CNTNAP5: variants seen among roughly 807,000 people sequenced by gnomAD.
CNTNAP5 encodes contactin-associated protein-like 5.
CNTNAP5 carries 72 observed loss-of-function variants against 150.2 expected under a neutral mutation model. The ratio of observed to expected loss-of-function variants is 0.48; its 90% CI spans 0.40 to 0.58. The LOEUF is 0.58. Ranked by LOEUF, CNTNAP5 falls within the 20% of genes least tolerant of loss-of-function variation. The pLI, the probability that CNTNAP5 is intolerant of heterozygous loss-of-function variation, is 0.00. For synonymous variants in CNTNAP5, 672 were observed against 619.8 expected, an observed-to-expected ratio of 1.08 and a Z score of -1.25; for missense variants, 1,636 against 1,626.2, an observed-to-expected ratio of 1.01 and a Z score of -0.10.
chr2:124,754,426 C>G (rs80168023), intron 14 of CNTNAP5, among the ~76,000 whole-genome samples: 2 of 152,148 alleles, frequency 1.3e-5, no homozygotes, highest in Admixed American at 6.5e-5. Context: ...TCCCTGAATT[C>G]CCAGACACAT....
intron 13 of CNTNAP5, among the ~76,000 whole-genome samples, chr2:124,666,089 A>G (rs1026811650): frequency 6.6e-6 from 1 of 152,146 alleles, no homozygotes; most frequent in Non-Finnish European, 1.5e-5. Flanking sequence ...ATATAACCCA[A>G]AGAAGCCCTG....
intron 1 of CNTNAP5, among the ~76,000 whole-genome samples, chr2:124,082,020 CT>C (rs1489878218): frequency 6.6e-6 from 1 of 152,122 alleles, no homozygotes; most frequent in Non-Finnish European, 1.5e-5. Flanking sequence ...GTTCTACATC[CT>C]GTAATTTTTG....
At chr2:124,741,948 A>G (rs1680505517) in intron 13 of CNTNAP5, among the ~76,000 whole-genome samples, 1 of 152,060 alleles carries the variant, frequency 6.6e-6, no homozygotes, top group South Asian at 2.1e-4. Context: ...CTCAATTGAG[A>G]TAATTCTTTT....
At chr2:124,760,044 G>A (rs1395365696) in intron 14 of CNTNAP5, among the ~76,000 whole-genome samples, 3 of 143,610 alleles carry the variant, frequency 2.1e-5, no homozygotes, top group Non-Finnish European at 3.0e-5. Context: ...TTATCAGCAA[G>A]CATCAGTGCA....
intron 1 of CNTNAP5, among the ~76,000 whole-genome samples, chr2:124,052,136 T>C (rs891576286): frequency 1.3e-5 from 2 of 152,056 alleles, no homozygotes; most frequent in African/African-American, 2.4e-5. Context: ...TATCCTGGAG[T>C]GGTGACAAAA....
At chr2:124,379,027 A>G (rs757068412) in intron 3 of CNTNAP5, among the ~76,000 whole-genome samples, 6 of 152,022 alleles carry the variant, frequency 3.9e-5, no homozygotes, top group Non-Finnish European at 8.8e-5. Flanking sequence ...TTTTAAGTTC[A>G]GAGCAAAATT....
At chr2:124,452,645 G>T (rs1020865533) in intron 6 of CNTNAP5, among the ~76,000 whole-genome samples, 2 of 152,040 alleles carry the variant, frequency 1.3e-5, no homozygotes, top group African/African-American at 4.8e-5. Flanking sequence ...TCCACTTCAG[G>T]CCCCTGCAAC....
chr2:124,705,538 A>T lies in CNTNAP5; in HGVS notation c.2078-41691A>T, dbSNP rs980018655. Among the ~76,000 whole-genome samples the T allele has an allele frequency of 3.8e-4, 58 of 152,084 alleles. 1 individual carries two copies. The highest frequency in any genetic ancestry group is 6.2e-4 in the Non-Finnish European group (42 of 68,018). ...GAGAGACTCCATCTCAAAAAAATAA[A>T]AATAATAAATAAATAAACAAATCCA... On this transcript the variant is annotated intron_variant, in intron 13 of 23. Coordinates refer to ENST00000682447, the MANE Select transcript of CNTNAP5 (RefSeq NM_001367498.1).
intron 1 of CNTNAP5, among the ~76,000 whole-genome samples, chr2:124,099,093 CCGCAT>C (rs1683005663): frequency 6.6e-6 from 1 of 152,170 alleles, no homozygotes; most frequent in African/African-American, 2.4e-5. Context: ...CAGACTCATG[CCGCAT>C]ATATCCATCC....
intron 3 of CNTNAP5, among the ~76,000 whole-genome samples, chr2:124,250,076 T>C (rs940773949): frequency 6.6e-6 from 1 of 151,976 alleles, no homozygotes; most frequent in Non-Finnish European, 1.5e-5. Flanking sequence ...GATAAATGAC[T>C]AAAACCCTAA....
At chr2:124,172,383 TA>T (rs1684954214) in intron 1 of CNTNAP5, among the ~76,000 whole-genome samples, 1 of 152,154 alleles carries the variant, frequency 6.6e-6, no homozygotes, top group African/African-American at 2.4e-5. Flanking sequence ...TATTGACTTT[TA>T]ATATTTTTGA....
chr2:124,113,041 G>C (rs993600657), intron 1 of CNTNAP5, among the ~76,000 whole-genome samples: 1 of 152,124 alleles, frequency 6.6e-6, no homozygotes, highest in African/African-American at 2.4e-5. Context: ...CTGATACACT[G>C]CCTGTGAATG....
At chr2:124,061,085 G>T (rs986979078) in intron 1 of CNTNAP5, among the ~76,000 whole-genome samples, 1 of 151,976 alleles carries the variant, frequency 6.6e-6, no homozygotes, top group African/African-American at 2.4e-5. Flanking sequence ...GTCTCCATTA[G>T]AAATGCATGT....
chr2:124,069,767 A>G (rs1459192485), intron 1 of CNTNAP5, among the ~76,000 whole-genome samples: 11 of 152,200 alleles, frequency 7.2e-5, no homozygotes, highest in Non-Finnish European at 1.3e-4. Flanking sequence ...CAACACCAGA[A>G]CTGTTCTACA....
intron 4 of CNTNAP5, among the ~76,000 whole-genome samples, chr2:124,423,662 T>TTTG (rs1692168431): frequency 9.6e-6 from 1 of 103,738 alleles, no homozygotes; most frequent in African/African-American, 3.9e-5. Flanking sequence ...CTTTTTTTTT[T>TTTG]TTTTTTTTTT....
At chr2:124,410,958 A>T (rs1220923516) in intron 3 of CNTNAP5, among the ~76,000 whole-genome samples, 2 of 152,138 alleles carry the variant, frequency 1.3e-5, no homozygotes, top group South Asian at 4.1e-4. Flanking sequence ...TTTTGAAAGG[A>T]TCAACAAAAT....
intron 2 of CNTNAP5, among the ~76,000 whole-genome samples, chr2:124,227,887 TATACAC>T (rs1229091674): frequency 6.6e-6 from 1 of 151,736 alleles, no homozygotes. Flanking sequence ...GGGATATATA[TATACAC>T]ATACACATAC....
intron 1 of CNTNAP5, among the ~76,000 whole-genome samples, chr2:124,110,590 G>A (rs1031671104): frequency 6.6e-6 from 1 of 152,172 alleles, no homozygotes; most frequent in African/African-American, 2.4e-5. Context: ...CATAGGTGAA[G>A]CAGTGTGCTA....
At chr2:124,501,933 A>T (rs1694288128) in intron 7 of CNTNAP5, among the ~76,000 whole-genome samples, 1 of 152,166 alleles carries the variant, frequency 6.6e-6, no homozygotes. Context: ...GCTAAAGACA[A>T]AGAAGTTTTA....
Sources: allele counts gnomAD v4.1 joint callset (sites outside exome capture counted in the v4.1 genomes callset), GRCh38; gene constraint gnomAD v4.1.1; transcripts MANE v1.5; gene names NCBI Gene and HGNC (gene_info 2026-07-23, HGNC 2026-07-21).